The following DLG1 variants were observed in gnomAD, a reference collection of about 807,000 sequenced individuals.
The protein encoded by DLG1 is discs large MAGUK scaffold protein 1, also known as disks large homolog 1.
In DLG1, 42 loss-of-function variants were observed where a neutral mutation model predicts 123.4. The observed-to-expected ratio is 0.34, with a 90% CI of 0.27 to 0.44. DLG1 has a LOEUF of 0.44. Among genes scored for constraint, DLG1 ranks in the 20% least tolerant of loss-of-function variants. The pLI is 1.00. For missense variants in DLG1, 942 were observed against 1,082.6 expected (o/e 0.87, Z 1.82); for synonymous variants, 317 against 356.2 (o/e 0.89, Z 1.24).
rs534234979 is a variant in DLG1, at chr3:197,206,570, G to C, written c.319-11981C>G. ...CCTGCCTCAGCCTCCCAAAGTGTTA[G>C]GATTACAGGCATGAGCCTTGATTTA... On this transcript the variant is annotated intron_variant, in intron 4 of 24. Transcript: ENST00000667157. 3.8e-3 allele frequency among the ~76,000 whole-genome samples: 584 copies of C among 152,282 alleles called. 5 individuals are homozygous for C. The highest frequency in any genetic ancestry group is 5.9e-3 in the Non-Finnish European group (404 of 68,032).
chr3:197,044,576 C>T lies in DLG1; in HGVS notation c.*47G>A. 7.2e-7 allele frequency: 1 copy of T among 1,385,700 alleles called. No individual in the cohort carries two copies. Among genetic ancestry groups the T allele is most frequent in the Non-Finnish European group, 1.0e-6 (1 of 981,048 alleles). 85.8% of individuals were successfully genotyped at this position (1,385,700 alleles called of 1,614,324 possible). On this transcript the variant is annotated 3_prime_UTR_variant, in exon 25 of 25. Coordinates refer to ENST00000667157, the MANE Select transcript of DLG1 (RefSeq NM_001366207.1). ...TCCAGAGGAAAGGGCAAAGAGATGCCAAAGAAAATGGAATTGTGGAAAAGA... is the reference window on the plus strand; with the variant it reads ...TCCAGAGGAAAGGGCAAAGAGATGCTAAAGAAAATGGAATTGTGGAAAAGA...
intron 4 of DLG1, among the ~76,000 whole-genome samples, chr3:197,197,482 G>A (rs569142262): frequency 1.2e-3 from 182 of 152,286 alleles, no homozygotes; most frequent in African/African-American, 4.2e-3. Flanking sequence ...GGTTCACACA[G>A]GTGAAACAGG....
intron 4 of DLG1, among the ~76,000 whole-genome samples, chr3:197,257,131 T>C (rs999481728): frequency 6.6e-6 from 1 of 152,166 alleles, no homozygotes; most frequent in Non-Finnish European, 1.5e-5. Flanking sequence ...ACTGAGACTT[T>C]CTTTTAACAT....
At chr3:197,170,512 C>CTAAGCTCT (rs1803645892) in intron 5 of DLG1, among the ~76,000 whole-genome samples, 1 of 152,076 alleles carries the variant, frequency 6.6e-6, no homozygotes, top group African/African-American at 2.4e-5. Flanking sequence ...ATCAGTGACG[C>CTAAGCTCT]TAAGCTCTTT....
intron 14 of DLG1, among the ~76,000 whole-genome samples, chr3:197,098,628 G>A (rs570360714): frequency 1.3e-5 from 2 of 152,238 alleles, no homozygotes; most frequent in African/African-American, 4.8e-5. Context: ...TCTGCCTCCT[G>A]GGTTCAAGTG....
intron 10 of DLG1, among the ~76,000 whole-genome samples, chr3:197,134,093 G>C (rs1783954332): frequency 6.6e-6 from 1 of 152,198 alleles, no homozygotes; most frequent in Non-Finnish European, 1.5e-5. Flanking sequence ...ACAGAAGGCT[G>C]TCTTGACTGT....
At chr3:197,267,515 T>C (rs949918899) in intron 4 of DLG1, among the ~76,000 whole-genome samples, 1 of 152,130 alleles carries the variant, frequency 6.6e-6, no homozygotes, top group African/African-American at 2.4e-5. Flanking sequence ...TAGGACCCTA[T>C]AGCATTCCTT....
intron 4 of DLG1, among the ~76,000 whole-genome samples, chr3:197,256,266 G>C (rs549347343): frequency 2.0e-5 from 3 of 152,246 alleles, no homozygotes; most frequent in Non-Finnish European, 4.4e-5. Flanking sequence ...GCTCACTGCT[G>C]CAACTACCCA....
chr3:197,285,866 G>T (rs1380121816), intron 3 of DLG1, among the ~76,000 whole-genome samples: 1 of 152,120 alleles, frequency 6.6e-6, no homozygotes. Context: ...CAGCAATTGC[G>T]CTCCTTGGTA....
chr3:197,154,353 C>T (rs1795357599), intron 5 of DLG1, among the ~76,000 whole-genome samples: 1 of 151,396 alleles, frequency 6.6e-6, no homozygotes, highest in Non-Finnish European at 1.5e-5. Flanking sequence ...AACCTGATAG[C>T]AAATCTACTA....
In DLG1 at chr3:197,140,230, C is replaced by T; in HGVS notation, c.623G>A (p.Gly208Asp). The T allele has an allele frequency of 6.2e-7, 1 of 1,613,306 alleles. No individual in the cohort carries two copies. The highest frequency in any genetic ancestry group is 1.1e-5 in the South Asian group (1 of 90,962). ...ATCTCCAATGTGTGGGTTGTCCGTACCTCCTGCAATGCTGAAACCAAGCCC... is the reference window on the plus strand; with the variant it reads ...ATCTCCAATGTGTGGGTTGTCCGTATCTCCTGCAATGCTGAAACCAAGCCC... ...NSGLGFSIAG[G>D]TDNPHIGDDS... is the part of the protein sequence containing the mutation. Residue 208 changes from glycine (G) to aspartate (D), a missense_variant, in exon 8 of 25, where the codon GGT becomes GAT. Transcript: ENST00000667157.
At chr3:197,080,879 T>C in intron 17 of DLG1, 172 bp downstream of exon 17, 1 of 502,028 alleles carries the variant, frequency 2.0e-6, no homozygotes, top group Non-Finnish European at 3.5e-6. Flanking sequence ...TTTTGATAAT[T>C]TGGAAGGGTC....
intron 2 of DLG1, 111 bp from the exon 3 acceptor site, chr3:197,296,588 G>A (rs1194229623): frequency 1.1e-6 from 1 of 874,650 alleles, no homozygotes; most frequent in Non-Finnish European, 1.8e-6. Flanking sequence ...AATCCTTCAG[G>A]TCAATTGATG....
intron 4 of DLG1, among the ~76,000 whole-genome samples, chr3:197,247,786 T>A (rs1290053235): frequency 2.0e-5 from 3 of 152,160 alleles, no homozygotes; most frequent in African/African-American, 7.2e-5. Context: ...CTGTTTCTTG[T>A]CTTACTTGGG....
chr3:197,205,562 ACACATCCATTATGATGAAAAACAAC>A (rs1180290842), intron 4 of DLG1, among the ~76,000 whole-genome samples: 1 of 152,196 alleles, frequency 6.6e-6, no homozygotes, highest in Admixed American at 6.5e-5. Flanking sequence ...TACTCAACAA[ACACATCCATTATGATGAAAAACAAC>A]CACTATCACC....
intron 4 of DLG1, among the ~76,000 whole-genome samples, chr3:197,244,942 C>T (rs1372663629): frequency 4.6e-5 from 7 of 152,076 alleles, no homozygotes; most frequent in Non-Finnish European, 1.0e-4. Flanking sequence ...TAGTTTCAAA[C>T]GTAGGAATGT....
At chr3:197,113,214 TACTAAG>T (rs1329977657) in intron 13 of DLG1, among the ~76,000 whole-genome samples, 1 of 152,228 alleles carries the variant, frequency 6.6e-6, no homozygotes, top group African/African-American at 2.4e-5. Context: ...AATCCATATT[TACTAAG>T]ATTTTCTTGT....
At chr3:197,286,447 G>A (rs965763734) in intron 3 of DLG1, among the ~76,000 whole-genome samples, 2 of 152,204 alleles carry the variant, frequency 1.3e-5, no homozygotes, top group Non-Finnish European at 2.9e-5. Context: ...TGCACGCGCA[G>A]TTCACGACAG....
intron 3 of DLG1, among the ~76,000 whole-genome samples, chr3:197,295,035 T>G (rs566482442): frequency 6.6e-6 from 1 of 152,332 alleles, no homozygotes; most frequent in South Asian, 2.1e-4. Context: ...TTGCTGTTTT[T>G]CCAGAGGAAT....
Sources: allele counts gnomAD v4.1 joint callset (sites outside exome capture counted in the v4.1 genomes callset), GRCh38; gene constraint gnomAD v4.1.1; transcripts MANE v1.5; gene names NCBI Gene and HGNC (gene_info 2026-07-23, HGNC 2026-07-21).